Variants in PHKA2 observed in about 807,000 individuals in gnomAD.
PHKA2 encodes the protein phosphorylase b kinase regulatory subunit alpha, liver isoform.
Under a neutral mutation model 102.0 loss-of-function variants are expected in PHKA2, and 31 were observed. That is an observed-to-expected ratio of 0.30 (90% CI 0.23 to 0.41). The LOEUF (loss-of-function observed/expected upper bound fraction) is 0.41. Ranked by LOEUF, PHKA2 falls within the 10% of genes least tolerant of loss-of-function variation. The pLI is 1.00. For missense variants in PHKA2, 858 were observed against 1,023.1 expected (o/e 0.84, Z 2.20); for synonymous variants, 455 against 416.2 (o/e 1.09, Z -1.13).
intron 11 of PHKA2, among the ~76,000 whole-genome samples, chrX:18,933,929 C>T (rs1219126298): frequency 8.9e-6 from 1 of 112,174 alleles, no homozygotes; most frequent in African/African-American, 3.2e-5. Flanking sequence ...GAAAGAAAAG[C>T]GTAGCTCTTA....
At chrX:18,945,990 C>T (rs753774236) in intron 5 of PHKA2, among the ~76,000 whole-genome samples, 14 of 109,617 alleles carry the variant, frequency 1.3e-4, no homozygotes, top group Middle Eastern at 9.2e-3. Flanking sequence ...TGCAGTGGCG[C>T]GATCTCAGCT....
intron 19 of PHKA2, among the ~76,000 whole-genome samples, chrX:18,915,968 T>G (rs1246979564): frequency 2.7e-5 from 3 of 111,748 alleles, no homozygotes; most frequent in African/African-American, 9.8e-5. Flanking sequence ...AAAAACAAAT[T>G]TCCAGATTGG....
At chrX:18,935,478 G>A (rs936981490) in intron 11 of PHKA2, among the ~76,000 whole-genome samples, 3 of 111,834 alleles carry the variant, frequency 2.7e-5, no homozygotes, top group African/African-American at 9.8e-5. Flanking sequence ...CTGTGTCAGG[G>A]TTCGGGGAGG....
chrX:18,893,377 G>T lies in PHKA2; in HGVS notation c.*108C>A. ...TTGCCCCCCGAGAGTGTTTCTGATG[G>T]GACATGCTTTCCTGATAGCACAGGG... On this transcript the variant is annotated 3_prime_UTR_variant, in exon 33 of 33. Transcript: ENST00000379942. 1 of 787,630 alleles carries T rather than the reference G, an allele frequency of 1.3e-6. No individual in the cohort carries two copies. Among genetic ancestry groups the T allele is most frequent in the Non-Finnish European group, 1.9e-6 (1 of 513,666 alleles). 64.9% of individuals were successfully genotyped at this position (787,630 alleles called of 1,213,427 possible). A position where few individuals can be genotyped will look rare whatever the true frequency, so the allele number is the denominator to read the frequency against.
chrX:18,901,114 A>C (rs774131005), intron 27 of PHKA2, among the ~76,000 whole-genome samples: 2 of 108,689 alleles, frequency 1.8e-5, no homozygotes, highest in South Asian at 4.1e-4. Flanking sequence ...CTATTTCCAG[A>C]GCCCTCTTGC....
chrX:18,908,735 G>T, intron 21 of PHKA2, 66 bp downstream of exon 21: 1 of 950,000 alleles, frequency 1.1e-6, no homozygotes, highest in Non-Finnish European at 1.5e-6. Context: ...ATTCATTTCT[G>T]TTGTTCCTAA....
At chrX:18,939,527 T>C (rs2048454040) in intron 9 of PHKA2, among the ~76,000 whole-genome samples, 1 of 111,807 alleles carries the variant, frequency 8.9e-6, no homozygotes, top group Admixed American at 9.4e-5. Flanking sequence ...GGAGTCTCAT[T>C]CTGTCACCCA....
At chrX:18,919,441 A>T (rs1172258074) in intron 18 of PHKA2, among the ~76,000 whole-genome samples, 1 of 111,524 alleles carries the variant, frequency 9.0e-6, no homozygotes, top group East Asian at 2.8e-4. Context: ...ACGGTGGCTC[A>T]TGCCTGTAAT....
At chrX:18,928,483 G>A (rs755756084) in intron 13 of PHKA2, among the ~76,000 whole-genome samples, 2 of 112,558 alleles carry the variant, frequency 1.8e-5, no homozygotes, top group South Asian at 7.3e-4. Flanking sequence ...ATTAAGAAGT[G>A]TACAGTCTCA....
intron 31 of PHKA2, 66 bp from the exon 32 acceptor site, chrX:18,894,470 G>A (rs779635672): frequency 4.6e-4 from 448 of 966,994 alleles, no homozygotes; most frequent in Non-Finnish European, 6.0e-4. Flanking sequence ...ATCAATCACC[G>A]AGTAACCAAG....
intron 11 of PHKA2, among the ~76,000 whole-genome samples, chrX:18,934,416 C>A (rs1198708074): frequency 9.0e-6 from 1 of 111,636 alleles, no homozygotes; most frequent in African/African-American, 3.3e-5. Context: ...GGATGAGGGG[C>A]CATCAACATT....
intron 6 of PHKA2, among the ~76,000 whole-genome samples, chrX:18,944,612 GA>G (rs1470658662): frequency 2.7e-5 from 3 of 111,566 alleles, no homozygotes; most frequent in African/African-American, 9.8e-5. Context: ...TACCTTCAGG[GA>G]AAGTTTCCCA....
At chrX:18,979,902 A>C (rs755148425) in intron 1 of PHKA2, among the ~76,000 whole-genome samples, 5 of 111,716 alleles carry the variant, frequency 4.5e-5, no homozygotes, top group Non-Finnish European at 7.5e-5. Flanking sequence ...TAGGGAAAAG[A>C]AAGAGAGATC....
intron 18 of PHKA2, 45 bp downstream of exon 18, chrX:18,919,987 T>C (rs1257552812): frequency 1.9e-6 from 2 of 1,037,661 alleles, no homozygotes; most frequent in Middle Eastern, 2.5e-4. Flanking sequence ...TGCTAAAGTT[T>C]AAATAAATTC....
chrX:18,940,691 G>GT (rs769441546), intron 8 of PHKA2, among the ~76,000 whole-genome samples: 1 of 111,790 alleles, frequency 8.9e-6, no homozygotes, highest in Admixed American at 9.5e-5. Flanking sequence ...CTCCAGTTCC[G>GT]TAAGTATGTG....
intron 21 of PHKA2, among the ~76,000 whole-genome samples, chrX:18,908,491 T>C (rs1156326607): frequency 8.9e-6 from 1 of 112,459 alleles, no homozygotes; most frequent in Non-Finnish European, 1.9e-5. Flanking sequence ...TGTTGAAATC[T>C]TAACCCCCAC....
chrX:18,977,403 G>A (rs137904046), intron 1 of PHKA2, among the ~76,000 whole-genome samples: 1 of 111,960 alleles, frequency 8.9e-6, no homozygotes, highest in Admixed American at 9.5e-5. Context: ...CTATGTAAGT[G>A]TACTTAATCG....
At chrX:18,935,980 G>A in intron 11 of PHKA2, 75 bp downstream of exon 11, 1 of 693,953 alleles carries the variant, frequency 1.4e-6, no homozygotes, top group South Asian at 2.2e-5. Flanking sequence ...AGGGGATAAA[G>A]AATACCAACA....
At chrX:18,910,849 A>G (rs754765609) in intron 20 of PHKA2, 23 bp downstream of exon 20, 1 of 1,015,802 alleles carries the variant, frequency 9.8e-7, no homozygotes, top group Admixed American at 2.2e-5. Flanking sequence ...TACTTTTAAA[A>G]AAAGCTGTTC....
Sources: gnomAD v4.1 joint callset for allele counts (sites outside exome capture counted in the v4.1 genomes callset) on GRCh38, gnomAD v4.1.1 for gene constraint, MANE v1.5 for transcripts, NCBI Gene and HGNC (gene_info 2026-07-23, HGNC 2026-07-21) for gene names.